The following BRCA1 variants were observed in gnomAD, a reference collection of about 807,000 sequenced individuals.
BRCA1 encodes breast cancer type 1 susceptibility protein.
In BRCA1, 140 loss-of-function variants were observed where a neutral mutation model predicts 173.7. That is an observed-to-expected ratio of 0.81 (90% CI 0.70 to 0.93). BRCA1 has a LOEUF of 0.93. Among genes scored for constraint, BRCA1 ranks in the 40% least tolerant of loss-of-function variants. The probability of loss-of-function intolerance (pLI) is 0.00; values close to 1 mark genes in which losing one functional copy is unlikely to be tolerated. For synonymous variants in BRCA1, 662 were observed against 756.0 expected (o/e 0.88, Z 2.04); for missense variants, 1,983 against 2,172.5 (o/e 0.91, Z 1.73).
In BRCA1 at chr17:43,090,957, A is replaced by G. The variant is rs397509146; in HGVS notation, c.4172T>C (p.Ile1391Thr). The change falls in exon 11 of 23, where the codon ATT (isoleucine) becomes ACT (threonine). Residue 1391 changes from isoleucine (I) to threonine (T), a missense_variant. Ile to Thr is a moderately conservative substitution (Grantham distance 89, BLOSUM62 -1). Coordinates refer to ENST00000357654, the MANE Select transcript of BRCA1 (RefSeq NM_007294.4). ...DCSGLSSQSD[I>T]LTTQQRDTMQ... ...CACGCTTTTTACCTGAGTGGTTAAA[A>G]TGTCACTCTGAGAGGATAGCCCTGA... The G allele has an allele frequency of 1.2e-6, 2 of 1,611,042 alleles. No individual in the cohort carries two copies. Among genetic ancestry groups the G allele is most frequent in the Non-Finnish European group, 1.7e-6 (2 of 1,178,640 alleles).
At chr17:43,125,538 G>A, upstream of BRCA1, 1 of 315,274 alleles carries the variant, frequency 3.2e-6, no homozygotes, top group Non-Finnish European at 6.3e-6. Context: ...GCTCTGGATT[G>A]GCCACCCAGT....
At chr17:43,060,680 T>C (rs969559906) in intron 18 of BRCA1, among the ~76,000 whole-genome samples, 1 of 147,596 alleles carries the variant, frequency 6.8e-6, no homozygotes, top group African/African-American at 2.5e-5. Flanking sequence ...TAGTTTTTTG[T>C]ATTTTTAGTA....
In BRCA1 at chr17:43,117,515, C is replaced by T. The variant is rs959656795; in HGVS notation, c.81-1736G>A. On this transcript the variant is annotated intron_variant, in intron 2 of 22. Coordinates refer to ENST00000357654, the MANE Select transcript of BRCA1 (RefSeq NM_007294.4). ...CCAGCACTTGGGAGGCCGAGGCGGG[C>T]GGATCATGAGGTCAGGATTTCGAGA... is the stretch of plus-strand genomic sequence containing the variant. 8.4e-4 allele frequency among the ~76,000 whole-genome samples: 127 copies of T among 152,060 alleles called. 4 individuals are homozygous for T. The highest frequency in any genetic ancestry group is 8.3e-3 in the Admixed American group (126 of 15,268).
intron 1 of BRCA1, among the ~76,000 whole-genome samples, chr17:43,159,038 C>A (rs2056215625): frequency 6.6e-6 from 1 of 152,136 alleles, no homozygotes; most frequent in Non-Finnish European, 1.5e-5. Flanking sequence ...GAGTTTGAGA[C>A]CAGCGTGGCC....
intron 9 of BRCA1, 59 bp from the exon 10 acceptor site, chr17:43,094,919 A>T: frequency 6.9e-7 from 1 of 1,458,706 alleles, no homozygotes. Context: ...AAAAAAATAC[A>T]TACTTCATAC....
intron 1 of BRCA1, among the ~76,000 whole-genome samples, chr17:43,139,615 A>C (rs1483938856): frequency 6.6e-6 from 1 of 151,992 alleles, no homozygotes; most frequent in Non-Finnish European, 1.5e-5. Flanking sequence ...CGGCCTCCCA[A>C]AGTGCTGGGA....
chr17:43,138,465 A>G (rs1244172376), intron 1 of BRCA1: 10 of 604,978 alleles, frequency 1.7e-5, no homozygotes, highest in Non-Finnish European at 2.9e-5. Flanking sequence ...CTAGGTCTCC[A>G]CCATGTGACT....
intron 1 of BRCA1, chr17:43,164,622 G>T (rs865866499): frequency 1.1e-4 from 16 of 152,182 alleles, no homozygotes; most frequent in African/African-American, 3.6e-4. Flanking sequence ...TGGGACTGTG[G>T]CCCATGACTC....
intron 21 of BRCA1, among the ~76,000 whole-genome samples, chr17:43,048,295 G>A (rs1567758344): frequency 1.3e-5 from 2 of 150,336 alleles, no homozygotes; most frequent in East Asian, 2.0e-4. Flanking sequence ...CTCCGCCTCC[G>A]GGGTTCAAGC....
intron 19 of BRCA1, among the ~76,000 whole-genome samples, chr17:43,052,343 C>T (rs1295027239): frequency 3.3e-5 from 5 of 151,928 alleles, no homozygotes; most frequent in Admixed American, 6.6e-5. Context: ...TACAGTGGCA[C>T]GATCATAGCT....
In BRCA1 at chr17:43,057,035, G is replaced by A. The variant is rs749918224; in HGVS notation, c.5277+17C>T. On this transcript the variant is annotated intron_variant, in intron 19 of 22. Coordinates refer to ENST00000357654, the MANE Select transcript of BRCA1 (RefSeq NM_007294.4). ...GGTGGGGTGAGATTTTTGTCAACTT[G>A]AGGGAGGGAGCTTTACCTTTCTGTC... 6.2e-7 allele frequency: 1 copy of A among 1,613,292 alleles called. No homozygotes were observed. The highest frequency in any genetic ancestry group is 8.5e-7 in the Non-Finnish European group (1 of 1,179,266).
In BRCA1 at chr17:43,079,008, C is replaced by T. The variant is rs371058439; in HGVS notation, c.4358-2394G>A. Among the ~76,000 whole-genome samples the T allele has an allele frequency of 1.4e-4, 21 of 152,070 alleles. No homozygotes were observed. In the East Asian group the frequency reaches 2.5e-3, roughly 18 times the overall value. ...TGAGGTCAGGAGTTTGAGACCAGCC[C>T]GGCCAACATGGTGAAACCCTGTCTC... is the stretch of plus-strand genomic sequence containing the variant. On this transcript the variant is annotated intron_variant, in intron 12 of 22. Transcript: ENST00000357654.
At position 43,120,174 on chromosome 17, in the gene BRCA1, G is replaced by C. The variant is rs869312508; in HGVS notation, c.80+3843C>G. Reference sequence around the variant, plus strand: ...CACATTTTAGCAAATTCTTCTGAAAGTCAAAAATGTTATAGTCATAGGTAA... The same window carrying C: ...CACATTTTAGCAAATTCTTCTGAAACTCAAAAATGTTATAGTCATAGGTAA... On this transcript the variant is annotated intron_variant, in intron 2 of 22. Transcript: ENST00000357654. Among the ~76,000 whole-genome samples, 6 of 152,168 alleles carry C rather than the reference G, an allele frequency of 3.9e-5. No homozygotes were observed. The highest frequency in any genetic ancestry group is 3.8e-4 in the East Asian group (2 of 5,198).
chr17:43,120,351 ATTCCT>A (rs1228073142), intron 2 of BRCA1, among the ~76,000 whole-genome samples: 1 of 152,266 alleles, frequency 6.6e-6, no homozygotes, highest in Non-Finnish European at 1.5e-5. Flanking sequence ...AGTCATGATC[ATTCCT>A]GATCACATAT....
At chr17:43,169,100 C>T (rs2056293528) in intron 1 of BRCA1, among the ~76,000 whole-genome samples, 1 of 152,162 alleles carries the variant, frequency 6.6e-6, no homozygotes. Flanking sequence ...AAAATCCTGT[C>T]TCCTCCCCTT....
chr17:43,090,189 G>C (rs2053393841), intron 11 of BRCA1, among the ~76,000 whole-genome samples: 1 of 152,206 alleles, frequency 6.6e-6, no homozygotes, highest in Non-Finnish European at 1.5e-5. Flanking sequence ...AATAATATTG[G>C]TGAGAGTTCT....
upstream of BRCA1, among the ~76,000 whole-genome samples, chr17:43,126,183 A>G (rs1168022856): frequency 2.0e-5 from 3 of 152,008 alleles, no homozygotes; most frequent in Non-Finnish European, 4.4e-5. Context: ...ATGTCTGCGC[A>G]CTCGTAGTTC....
intron 1 of BRCA1, chr17:43,138,632 A>G: frequency 1.3e-6 from 1 of 770,178 alleles, no homozygotes; most frequent in Non-Finnish European, 2.4e-6. Context: ...TGCTCATGAC[A>G]TTCATTTCAC....
chr17:43,063,402 C>T lies in BRCA1; in HGVS notation c.5153-29G>A, dbSNP rs2051879159. ...AAGAGATCATAGAAAAGACAGGTTA[C>T]ATACAGCAGAAGAACGTGCTCTTTT... On this transcript the variant is annotated intron_variant, in intron 17 of 22. Coordinates refer to ENST00000357654, the MANE Select transcript of BRCA1 (RefSeq NM_007294.4). The T allele has an allele frequency of 6.3e-7, 1 of 1,587,714 alleles. No individual in the cohort carries two copies. The highest frequency in any genetic ancestry group is 8.6e-7 in the Non-Finnish European group (1 of 1,156,886).
Sources: allele counts gnomAD v4.1 joint callset (sites outside exome capture counted in the v4.1 genomes callset), GRCh38; gene constraint gnomAD v4.1.1; transcripts MANE v1.5; gene names NCBI Gene and HGNC (gene_info 2026-07-23, HGNC 2026-07-21).